The following ANKRD18B variants were observed in gnomAD, a reference collection of about 807,000 sequenced individuals.
The protein encoded by ANKRD18B is ankyrin repeat domain-containing protein 18B.
Under a neutral mutation model 111.8 loss-of-function variants are expected in ANKRD18B, and 75 were observed. The ratio of observed to expected loss-of-function variants is 0.67; its 90% confidence interval spans 0.56 to 0.81. The LOEUF (loss-of-function observed/expected upper bound fraction) is 0.81, where lower values mean the gene tolerates loss of function less well. Among genes scored for constraint, ANKRD18B ranks in the 40% least tolerant of loss-of-function variants. The probability of loss-of-function intolerance (pLI) is 0.00; values close to 1 mark genes in which losing one functional copy is unlikely to be tolerated. For synonymous variants in ANKRD18B, 356 were observed against 417.3 expected, an observed-to-expected ratio of 0.85 and a Z score of 1.79; for missense variants, 1,038 against 1,225.5, an observed-to-expected ratio of 0.85 and a Z score of 2.28.
chr9:33,558,163 T>C lies in ANKRD18B; in HGVS notation c.2436T>C (p.Ile812=). ...ATACAGACCAACTGAAAATGGATATTCTGTTTAAGAAGCTAAAACAGAAGG... is the reference window on the plus strand; with the variant it reads ...ATACAGACCAACTGAAAATGGATATCCTGTTTAAGAAGCTAAAACAGAAGG... The part of the protein sequence containing the change: ...DLNTDQLKMD[I]LFKKLKQKFD... Residue 812 remains isoleucine (I), a synonymous_variant, in exon 14 of 19, where the codon ATT becomes ATC. Transcript: ENST00000684830. 1 of 1,610,580 alleles carries C rather than the reference T, an allele frequency of 6.2e-7. No individual in the cohort carries two copies. The highest frequency in any genetic ancestry group is 8.5e-7 in the Non-Finnish European group (1 of 1,178,944).
In ANKRD18B at chr9:33,551,398, A is replaced by G. The variant is rs560653004; in HGVS notation, c.2217+819A>G. Among the ~76,000 whole-genome samples, 87 of 152,208 alleles carry G rather than the reference A, an allele frequency of 5.7e-4. 1 individual carries two copies. Among genetic ancestry groups the G allele is most frequent in the Admixed American group, 1.3e-3 (20 of 15,276 alleles). On this transcript the variant is annotated intron_variant, in intron 12 of 18. Coordinates refer to ENST00000684830, the MANE Select transcript of ANKRD18B (RefSeq NM_001393611.1). Reference sequence around the variant, plus strand: ...CCTACATCTCTTAGCCATGACTGCAACCCCACTCCATGTCTCTCCACCTAC... The same window carrying G: ...CCTACATCTCTTAGCCATGACTGCAGCCCCACTCCATGTCTCTCCACCTAC...
downstream of ANKRD18B, chr9:33,573,390 T>C (rs1828814048): frequency 1.2e-6 from 1 of 812,746 alleles, no homozygotes; most frequent in African/African-American, 1.8e-5. Context: ...CTGCAGCCTC[T>C]GTGCTGTGTC....
intron 3 of ANKRD18B, among the ~76,000 whole-genome samples, chr9:33,531,910 T>A (rs1401268712): frequency 6.6e-6 from 1 of 152,022 alleles, no homozygotes; most frequent in Admixed American, 6.5e-5. Flanking sequence ...TTGCAGACAT[T>A]ATATCTTTCT....
intron 3 of ANKRD18B, 53 bp downstream of exon 3, chr9:33,529,226 G>T (rs2985587): frequency 6.6e-7 from 1 of 1,517,148 alleles, no homozygotes; most frequent in Non-Finnish European, 8.8e-7. Flanking sequence ...ATTGACATAG[G>T]TAAGAGTCAA....
At chr9:33,533,416 A>C (rs1284943240) in intron 3 of ANKRD18B, 23 bp from the exon 4 acceptor site, 3 of 1,509,170 alleles carry the variant, frequency 2.0e-6, no homozygotes, top group Non-Finnish European at 1.8e-6. Context: ...TGTGAATTAT[A>C]AATTGTTTTT....
chr9:33,534,791 A>T (rs908127620), intron 5 of ANKRD18B, among the ~76,000 whole-genome samples: 28 of 151,076 alleles, frequency 1.9e-4, no homozygotes, highest in Non-Finnish European at 3.2e-4. Context: ...AGATAGAAAT[A>T]ATGTCACATC....
At chr9:33,556,391 G>A (rs1462122378) in intron 13 of ANKRD18B, among the ~76,000 whole-genome samples, 1 of 151,384 alleles carries the variant, frequency 6.6e-6, no homozygotes, top group African/African-American at 2.4e-5. Flanking sequence ...AGCCTCCTGA[G>A]TAGCTATGAT....
chr9:33,573,629 G>T (rs1828818066), downstream of ANKRD18B, among the ~76,000 whole-genome samples: 1 of 144,888 alleles, frequency 6.9e-6, no homozygotes, highest in African/African-American at 2.4e-5. Flanking sequence ...CCCTCCCTGT[G>T]TCTTGGAGGA....
rs113264473 is a variant in ANKRD18B at position 33,554,109 on chromosome 9, A to T, written c.2218-1599A>T. ...AATAAATAAGAAAAAGAAAAAACGG[A>T]CAAAATATACTGGCCCAAAAAAGAA... is the stretch of plus-strand genomic sequence containing the variant. On this transcript the variant is annotated intron_variant, in intron 12 of 18. Coordinates refer to ENST00000684830, the MANE Select transcript of ANKRD18B (RefSeq NM_001393611.1). Among the ~76,000 whole-genome samples the T allele has an allele frequency of 9.4e-3, 1,421 of 151,534 alleles. 11 individuals carry two copies. Among genetic ancestry groups the T allele is most frequent in the Middle Eastern group, 0.014 (4 of 292 alleles).
At chr9:33,565,443 C>T (rs900008805) in intron 14 of ANKRD18B, among the ~76,000 whole-genome samples, 1 of 152,148 alleles carries the variant, frequency 6.6e-6, no homozygotes, top group Non-Finnish European at 1.5e-5. Flanking sequence ...CTTATGGCAT[C>T]AGAATCCTTA....
chr9:33,563,930 T>A (rs189233695), intron 14 of ANKRD18B, among the ~76,000 whole-genome samples: 20 of 152,244 alleles, frequency 1.3e-4, no homozygotes, highest in African/African-American at 4.3e-4. Flanking sequence ...TCCCCTCTCC[T>A]ACTTCTATGA....
chr9:33,552,399 G>A (rs1828459511), intron 12 of ANKRD18B, among the ~76,000 whole-genome samples: 2 of 152,196 alleles, frequency 1.3e-5, no homozygotes, highest in East Asian at 1.9e-4. Context: ...TAATCCTAGC[G>A]CTCAGCAGAG....
chr9:33,533,729 T>C, intron 4 of ANKRD18B, 184 bp downstream of exon 4: 1 of 1,246,994 alleles, frequency 8.0e-7, no homozygotes. Context: ...TAAAAAACAG[T>C]ATATAGTAGG....
intron 12 of ANKRD18B, among the ~76,000 whole-genome samples, chr9:33,551,692 T>C (rs1489797913): frequency 6.6e-6 from 1 of 152,162 alleles, no homozygotes; most frequent in Non-Finnish European, 1.5e-5. Flanking sequence ...TTGGCTATTA[T>C]GAAAACAGCT....
rs988783535 is a variant in ANKRD18B at position 33,550,512 on chromosome 9, C to A, written c.2150C>A (p.Ser717Ter). The change falls in exon 12 of 19, where the codon TCA (serine) becomes TAA (stop). Residue 717 changes from serine (S) to a stop codon, truncating the protein, a stop_gained. Transcript: ENST00000684830. LOFTEE classifies it high-confidence loss of function. ...SMSESPLEGT[S>*]HCHINLDETW... ...TCAGAGTCTCCACTGGAAGGTACAT[C>A]ACATTGTCATATTAATTTGGATGAG... is the stretch of plus-strand genomic sequence containing the variant. The A allele has an allele frequency of 3.2e-6, 5 of 1,547,554 alleles. No individual in the cohort carries two copies. Among genetic ancestry groups the A allele is most frequent in the Non-Finnish European group, 4.4e-6 (5 of 1,145,298 alleles).
chr9:33,562,355 A>G (rs925693298), intron 14 of ANKRD18B, among the ~76,000 whole-genome samples: 11 of 151,460 alleles, frequency 7.3e-5, no homozygotes, highest in African/African-American at 2.2e-4. Context: ...TCCACCTGGC[A>G]TCTTGTTCTG....
chr9:33,572,568 A>G lies in ANKRD18B; in HGVS notation c.*134A>G. On this transcript the variant is annotated 3_prime_UTR_variant, in exon 19 of 19. Transcript: ENST00000684830. ...GATGTATATTTATATGTTATTTTAA[A>G]TGATTTTTTTAGCCTCCTTAAGTTT... 7.9e-7 allele frequency: 1 copy of G among 1,263,054 alleles called. No individual in the cohort carries two copies. The highest frequency in any genetic ancestry group is 1.0e-6 in the Non-Finnish European group (1 of 992,624). 78.2% of individuals were successfully genotyped at this position (1,263,054 alleles called of 1,614,324 possible). A position where few individuals can be genotyped will look rare whatever the true frequency, so the allele number is the denominator to read the frequency against.
At chr9:33,535,357 C>T (rs914672732) in intron 5 of ANKRD18B, among the ~76,000 whole-genome samples, 7 of 152,074 alleles carry the variant, frequency 4.6e-5, no homozygotes, top group African/African-American at 1.7e-4. Flanking sequence ...GCAATCTCGG[C>T]TCACTGCAAG....
chr9:33,541,065 G>T, intron 8 of ANKRD18B, 82 bp from the exon 9 acceptor site: 3 of 1,496,778 alleles, frequency 2.0e-6, no homozygotes, highest in Non-Finnish European at 2.7e-6. Flanking sequence ...AGCATGCAGA[G>T]TAAGTGAAAC....
Sources: allele counts gnomAD v4.1 joint callset (sites outside exome capture counted in the v4.1 genomes callset), GRCh38; gene constraint gnomAD v4.1.1; transcripts MANE v1.5; gene names NCBI Gene and HGNC (gene_info 2026-07-23, HGNC 2026-07-21).